Variants in HS6ST3 observed in about 807,000 individuals in gnomAD.
The protein encoded by HS6ST3 is heparan-sulfate 6-O-sulfotransferase 3.
HS6ST3 carries 12 observed loss-of-function variants against 36.7 expected under a neutral mutation model. The observed-to-expected ratio is 0.33, with a 90% CI of 0.21 to 0.53. HS6ST3 has a LOEUF of 0.53. Ranked by LOEUF, HS6ST3 falls within the 20% of genes least tolerant of loss-of-function variation. HS6ST3 has a pLI of 0.95. For missense variants in HS6ST3, 584 were observed against 640.9 expected (o/e 0.91, Z 0.96); for synonymous variants, 240 against 257.5 (o/e 0.93, Z 0.65).
intron 1 of HS6ST3, among the ~76,000 whole-genome samples, chr13:96,603,967 T>A (rs1006307313): frequency 2.4e-4 from 36 of 152,190 alleles, no homozygotes; most frequent in Non-Finnish European, 1.0e-4. Context: ...TAGGAATAAC[T>A]TGGTCTGTAA....
chr13:96,764,455 C>T (rs1430339094), intron 1 of HS6ST3, among the ~76,000 whole-genome samples: 1 of 152,200 alleles, frequency 6.6e-6, no homozygotes, highest in East Asian at 1.9e-4. Flanking sequence ...GTTAAGCGTG[C>T]TTCTCAAGGT....
chr13:96,554,117 C>A (rs1300179124), intron 1 of HS6ST3, among the ~76,000 whole-genome samples: 4 of 152,146 alleles, frequency 2.6e-5, no homozygotes, highest in African/African-American at 9.7e-5. Flanking sequence ...TGTGGTGCCA[C>A]AGCTCAGGTT....
At chr13:96,618,139 G>T (rs541936147) in intron 1 of HS6ST3, among the ~76,000 whole-genome samples, 44 of 152,236 alleles carry the variant, frequency 2.9e-4, no homozygotes, top group Non-Finnish European at 6.0e-4. Flanking sequence ...TCACTGTGTT[G>T]CCCAGGCTGG....
At chr13:96,140,449 T>G (rs546883770) in intron 1 of HS6ST3, among the ~76,000 whole-genome samples, 17 of 152,272 alleles carry the variant, frequency 1.1e-4, no homozygotes, top group Non-Finnish European at 2.2e-4. Context: ...TTTTTCATAG[T>G]ATGTAGTGCA....
At chr13:96,586,874 C>A (rs1252832380) in intron 1 of HS6ST3, among the ~76,000 whole-genome samples, 1 of 152,076 alleles carries the variant, frequency 6.6e-6, no homozygotes, top group African/African-American at 2.4e-5. Context: ...AAAGTCATTG[C>A]CCAGACCAGT....
intron 1 of HS6ST3, among the ~76,000 whole-genome samples, chr13:96,247,133 C>T (rs1260624433): frequency 6.6e-6 from 1 of 151,922 alleles, no homozygotes; most frequent in Admixed American, 6.6e-5. Flanking sequence ...TATTTAAAAT[C>T]TTAACTTTCA....
At chr13:96,150,090 C>A (rs2054077836) in intron 1 of HS6ST3, among the ~76,000 whole-genome samples, 1 of 152,148 alleles carries the variant, frequency 6.6e-6, no homozygotes, top group Admixed American at 6.5e-5. Context: ...GGTTCTTGTC[C>A]CACAACAAGA....
chr13:96,303,778 A>G (rs909207855), intron 1 of HS6ST3, among the ~76,000 whole-genome samples: 2 of 152,154 alleles, frequency 1.3e-5, no homozygotes, highest in Non-Finnish European at 2.9e-5. Flanking sequence ...ATTCTTTTTC[A>G]CTTTGTTTTA....
intron 1 of HS6ST3, among the ~76,000 whole-genome samples, chr13:96,336,389 T>C (rs563518555): frequency 1.3e-5 from 2 of 152,308 alleles, no homozygotes; most frequent in South Asian, 4.1e-4. Flanking sequence ...TCTGTTAAAG[T>C]CACACATTGG....
intron 1 of HS6ST3, among the ~76,000 whole-genome samples, chr13:96,232,689 A>C (rs188659688): frequency 1.2e-4 from 18 of 152,234 alleles, no homozygotes; most frequent in Admixed American, 1.1e-3. Flanking sequence ...CTGTGGGGGA[A>C]TCAGGTGCAA....
chr13:96,792,961 G>T (rs538702282), intron 1 of HS6ST3, among the ~76,000 whole-genome samples: 1 of 151,878 alleles, frequency 6.6e-6, no homozygotes, highest in Admixed American at 6.6e-5. Flanking sequence ...CTTCCCTCTC[G>T]GCACCACGCC....
intron 1 of HS6ST3, among the ~76,000 whole-genome samples, chr13:96,491,282 C>G (rs902731757): frequency 2.6e-5 from 4 of 151,980 alleles, no homozygotes; most frequent in Middle Eastern, 3.2e-3. Flanking sequence ...CATATGCATA[C>G]CATCTGGTAT....
chr13:96,724,639 T>G (rs1594845510), intron 1 of HS6ST3, among the ~76,000 whole-genome samples: 1 of 151,804 alleles, frequency 6.6e-6, no homozygotes, highest in Non-Finnish European at 1.5e-5. Context: ...CTCTTGAGGG[T>G]TTTTTTTGCT....
At chr13:96,196,605 CTG>C (rs1005390701) in intron 1 of HS6ST3, among the ~76,000 whole-genome samples, 1 of 152,180 alleles carries the variant, frequency 6.6e-6, no homozygotes, top group Admixed American at 6.5e-5. Flanking sequence ...CTGATGATGA[CTG>C]TGACTTTGGT....
Position 96,762,011 on chromosome 13 carries a change from C to T in HS6ST3, c.708-70479C>T, listed in dbSNP as rs2138500625. Among the ~76,000 whole-genome samples, 2 of 152,036 alleles carry T rather than the reference C, an allele frequency of 1.3e-5. 1 individual carries two copies. Among genetic ancestry groups the T allele is most frequent in the South Asian group, 4.1e-4 (2 of 4,828 alleles). On this transcript the variant is annotated intron_variant, in intron 1 of 1. Coordinates refer to ENST00000376705, the MANE Select transcript of HS6ST3 (RefSeq NM_153456.4). ...ACATTGTTATATAGACACATATATA[C>T]ACACAGCTATATATTTACTACATTT... is the stretch of plus-strand genomic sequence containing the variant.
chr13:96,517,053 C>T (rs1290924456), intron 1 of HS6ST3, among the ~76,000 whole-genome samples: 2 of 152,180 alleles, frequency 1.3e-5, no homozygotes, highest in Non-Finnish European at 2.9e-5. Flanking sequence ...GGAGTATCAT[C>T]ACTTTCACCT....
intron 1 of HS6ST3, among the ~76,000 whole-genome samples, chr13:96,582,237 C>A (rs1237013490): frequency 6.6e-6 from 1 of 152,022 alleles, no homozygotes; most frequent in East Asian, 1.9e-4. Flanking sequence ...ATCTTGAGAA[C>A]CACCAGAAGA....
At chr13:96,790,594 T>C in intron 1 of HS6ST3, among the ~76,000 whole-genome samples, 1 of 152,094 alleles carries the variant, frequency 6.6e-6, no homozygotes, top group East Asian at 1.9e-4. Context: ...CTACTGCATG[T>C]TAAGTACTAT....
chr13:96,552,957 C>T (rs2056225201), intron 1 of HS6ST3, among the ~76,000 whole-genome samples: 1 of 152,074 alleles, frequency 6.6e-6, no homozygotes, highest in African/African-American at 2.4e-5. Context: ...AGCAAATGCT[C>T]TTGGAGTCTT....
Sources: allele counts gnomAD v4.1 joint callset (sites outside exome capture counted in the v4.1 genomes callset), GRCh38; gene constraint gnomAD v4.1.1; transcripts MANE v1.5; gene names NCBI Gene and HGNC (gene_info 2026-07-23, HGNC 2026-07-21).